Variants in GEMIN8 observed in about 807,000 individuals in gnomAD.
The protein encoded by GEMIN8 is gem-associated protein 8.
For synonymous variants in GEMIN8, 80 were observed against 78.5 expected, an observed-to-expected ratio of 1.02 and a Z score of -0.10; for missense variants, 185 against 205.9, an observed-to-expected ratio of 0.90 and a Z score of 0.62.
chrX:14,012,124 C>G (rs1230766807), intron 4 of GEMIN8, among the ~76,000 whole-genome samples: 1 of 108,081 alleles, frequency 9.3e-6, no homozygotes, highest in Non-Finnish European at 1.9e-5. Flanking sequence ...TTCAGGCTTC[C>G]TCATGAATTT....
intron 4 of GEMIN8, among the ~76,000 whole-genome samples, chrX:14,011,516 CTTTTTTTTTTTT>C (rs575651297): frequency 8.4e-4 from 51 of 60,384 alleles, no homozygotes; most frequent in African/African-American, 6.2e-4. Context: ...CTATGGCTCT[CTTTTTTTTTTTT>C]TTTTTTTTTT....
intron 4 of GEMIN8, among the ~76,000 whole-genome samples, chrX:14,012,293 T>A (rs1362728178): frequency 1.8e-5 from 1 of 54,829 alleles, no homozygotes; most frequent in African/African-American, 7.3e-5. Flanking sequence ...AATTTTTGTA[T>A]TTTTTTTTTT....
intron 4 of GEMIN8, among the ~76,000 whole-genome samples, chrX:14,017,626 G>A (rs751811476): frequency 2.0e-4 from 22 of 112,206 alleles, no homozygotes; most frequent in Non-Finnish European, 3.6e-4. Context: ...CCCTCTAAAG[G>A]TGCTAGGGAA....
chrX:14,016,486 T>C (rs753560948), intron 4 of GEMIN8, among the ~76,000 whole-genome samples: 21 of 111,167 alleles, frequency 1.9e-4, no homozygotes, highest in African/African-American at 6.9e-4. Context: ...AGTTTAAAAG[T>C]TTGAAAGGTG....
chrX:13,995,204 A>G, the GEMIN8 span, among the ~76,000 whole-genome samples: 32 of 112,125 alleles, frequency 2.9e-4, no homozygotes, highest in Non-Finnish European at 4.9e-4. Flanking sequence ...TCAGGATGGT[A>G]AAGTATAGCA....
chrX:14,007,623 G>T lies in GEMIN8; in HGVS notation c.*1290C>A, dbSNP rs1467544266. On this transcript the variant is annotated 3_prime_UTR_variant, in exon 5 of 5. Coordinates refer to ENST00000680255, the MANE Select transcript of GEMIN8 (RefSeq NM_001042479.2). The stretch of plus-strand genomic sequence containing the variant: ...GCTCACTGCAAGCTCCGCCTCCTGG[G>T]TTCACGCCATTCTCCTGCCTCAGCC... Among the ~76,000 whole-genome samples, 1 of 109,827 alleles carries T rather than the reference G, an allele frequency of 9.1e-6. No homozygotes were observed. The highest frequency in any genetic ancestry group is 3.3e-5 in the African/African-American group (1 of 30,129).
At chrX:14,001,951 C>T (rs762605543), downstream of GEMIN8, among the ~76,000 whole-genome samples, 4 of 108,422 alleles carry the variant, frequency 3.7e-5, no homozygotes, top group Admixed American at 2.9e-4. Flanking sequence ...GGTGAAACCC[C>T]GTCTGTACTA....
At chrX:13,998,008 C>T in the GEMIN8 span, among the ~76,000 whole-genome samples, 1 of 109,254 alleles carries the variant, frequency 9.2e-6, no homozygotes, top group Non-Finnish European at 1.9e-5. Flanking sequence ...AAAATTTAAC[C>T]TCTATGAAGG....
intron 4 of GEMIN8, among the ~76,000 whole-genome samples, chrX:14,019,179 A>G: frequency 9.0e-6 from 1 of 111,594 alleles, no homozygotes; most frequent in Non-Finnish European, 1.9e-5. Flanking sequence ...TCATTGGAAA[A>G]TTGTAGGTAA....
intron 2 of GEMIN8, among the ~76,000 whole-genome samples, chrX:14,025,310 C>T (rs189092154): frequency 1.1e-3 from 123 of 107,642 alleles, no homozygotes; most frequent in Middle Eastern, 4.7e-3. Flanking sequence ...CAGTCTTTGT[C>T]GCATAGTCTT....
Position 14,008,732 on chromosome X carries a change from C to A in GEMIN8, c.*181G>T. The A allele has an allele frequency of 4.2e-6, 2 of 475,540 alleles. No homozygotes were observed. The highest frequency in any genetic ancestry group is 7.4e-6 in the Non-Finnish European group (2 of 270,684). 39.2% of individuals were successfully genotyped at this position (475,540 alleles called of 1,213,427 possible). A position where few individuals can be genotyped will look rare whatever the true frequency, so the allele number is the denominator to read the frequency against. On this transcript the variant is annotated 3_prime_UTR_variant, in exon 5 of 5. Transcript: ENST00000680255. The stretch of plus-strand genomic sequence containing the variant: ...TTATCATGTTGGCAACAGAACATGT[C>A]CTGCAGACCTCCAAGTGGCTGGCAT...
At chrX:13,999,346 G>A in the GEMIN8 span, among the ~76,000 whole-genome samples, 4 of 101,692 alleles carry the variant, frequency 3.9e-5, no homozygotes, top group East Asian at 1.2e-3. Context: ...GTGTGATCTC[G>A]GCTAACTGCA....
At chrX:14,018,766 C>CTTTTTTTTT (rs58528171) in intron 4 of GEMIN8, among the ~76,000 whole-genome samples, 3 of 91,888 alleles carry the variant, frequency 3.3e-5, no homozygotes, top group Non-Finnish European at 4.3e-5. Flanking sequence ...CTTTTCTTTT[C>CTTTTTTTTT]TTTTTTTTTT....
intron 4 of GEMIN8, among the ~76,000 whole-genome samples, chrX:14,018,277 A>C (rs1924064907): frequency 8.9e-6 from 1 of 112,177 alleles, no homozygotes; most frequent in African/African-American, 3.2e-5. Flanking sequence ...AACCGTTCAC[A>C]TTTTTTCTTT....
chrX:14,013,680 AG>A (rs1284930939), intron 4 of GEMIN8, among the ~76,000 whole-genome samples: 2 of 111,748 alleles, frequency 1.8e-5, no homozygotes, highest in Non-Finnish European at 3.8e-5. Flanking sequence ...CCACAAGCCA[AG>A]GAACACCAGG....
rs143311052 is a variant in GEMIN8, at chrX:14,013,508, G to C, written c.473-4339C>G. Among the ~76,000 whole-genome samples, 14 of 112,303 alleles carry C rather than the reference G, an allele frequency of 1.2e-4. No individual in the cohort carries two copies. In the East Asian group the frequency reaches 3.6e-3, roughly 29 times the overall value. ...GAACCACAGAAGGTGACCTTATTTG[G>C]AAATAGGGCTTTGTAGATGTAATTA... On this transcript the variant is annotated intron_variant, in intron 4 of 4. Transcript: ENST00000680255.
rs755568932 is a variant in GEMIN8, at chrX:14,009,019, C to T, written c.623G>A (p.Ser208Asn). The change falls in exon 5 of 5, where the codon AGT becomes AAT. Residue 208 changes from serine to asparagine, a missense_variant. Physicochemically the swap from Ser to Asn is conservative, Grantham distance 46 (BLOSUM62 1). Transcript: ENST00000680255. ...CTCCATGGCTTGGATCTTGGCAGCA[C>T]TGTCCCCGTACAAACGCTTCATCTC... ...QAEMKRLYGD[S>N]AAKIQAMEAA... The T allele has an allele frequency of 1.6e-5, 19 of 1,211,877 alleles. No individual in the cohort carries two copies. The South Asian group carries it at 3.2e-4, about 20-fold the overall frequency.
At chrX:14,009,320 G>T in intron 4 of GEMIN8, 151 bp from the exon 5 acceptor site, 1 of 526,190 alleles carries the variant, frequency 1.9e-6, no homozygotes. Flanking sequence ...CCAGGCCCAA[G>T]TGTTCCAGAT....
Position 14,008,252 on chromosome X carries a change from C to G in GEMIN8, c.*661G>C, listed in dbSNP as rs780065505. The G allele has an allele frequency of 1.8e-5, 2 of 112,248 alleles. No homozygotes were observed. The highest frequency in any genetic ancestry group is 7.4e-4 in the South Asian group (2 of 2,709). The allele number at this position is 112,248 out of a possible 1,213,427, so 9.3% of individuals were successfully genotyped here. On this transcript the variant is annotated 3_prime_UTR_variant, in exon 5 of 5. Coordinates refer to ENST00000680255, the MANE Select transcript of GEMIN8 (RefSeq NM_001042479.2). ...TCGGCCTCCCAAAGTGCTGGGATTA[C>G]AGGCATGAACCATTGCGCCCGGCCG...
Sources: gnomAD v4.1 joint callset for allele counts (sites outside exome capture counted in the v4.1 genomes callset) on GRCh38, gnomAD v4.1.1 for gene constraint, MANE v1.5 for transcripts, NCBI Gene and HGNC (gene_info 2026-07-23, HGNC 2026-07-21) for gene names.